The following TBC1D5 variants were observed in gnomAD, a reference collection of about 807,000 sequenced individuals.
TBC1D5 encodes TBC1 domain family member 5.
A neutral mutation model predicts 100.3 loss-of-function variants in TBC1D5; 75 were observed. That is an observed-to-expected ratio of 0.75 (90% CI 0.62 to 0.91). The LOEUF is 0.91. TBC1D5 is among the 40% of genes least tolerant of loss of function. The probability of loss-of-function intolerance (pLI) is 0.00; values close to 1 mark genes in which losing one functional copy is unlikely to be tolerated. For missense variants in TBC1D5, 910 were observed against 942.4 expected, an observed-to-expected ratio of 0.97 and a Z score of 0.45; for synonymous variants, 323 against 325.6, an observed-to-expected ratio of 0.99 and a Z score of 0.09.
intron 15 of TBC1D5, among the ~76,000 whole-genome samples, chr3:17,268,698 T>C (rs552100824): frequency 6.6e-6 from 1 of 152,268 alleles, no homozygotes; most frequent in East Asian, 1.9e-4. Context: ...TTGTTGCCTA[T>C]ACCCATATTT....
intron 16 of TBC1D5, among the ~76,000 whole-genome samples, chr3:17,241,998 G>T (rs1322122264): frequency 6.6e-6 from 1 of 152,080 alleles, no homozygotes; most frequent in Non-Finnish European, 1.5e-5. Context: ...TTCTATTCTG[G>T]GAGGTTGGTT....
chr3:17,595,819 T>C (rs563187420), intron 2 of TBC1D5, among the ~76,000 whole-genome samples: 4 of 152,294 alleles, frequency 2.6e-5, no homozygotes, highest in African/African-American at 9.6e-5. Context: ...TCAATCTTAG[T>C]TACAATCCTG....
chr3:17,429,631 C>G (rs1401615346), intron 3 of TBC1D5, among the ~76,000 whole-genome samples: 3 of 151,844 alleles, frequency 2.0e-5, no homozygotes, highest in African/African-American at 7.2e-5. Context: ...AGAGCTTTCA[C>G]TTTAAAGATG....
intron 2 of TBC1D5, among the ~76,000 whole-genome samples, chr3:17,618,515 C>G (rs2062376484): frequency 6.6e-6 from 1 of 152,230 alleles, no homozygotes; most frequent in Non-Finnish European, 1.5e-5. Context: ...GAGGTGGAGT[C>G]TATAGAGGCA....
chr3:17,468,239 A>G (rs2095331921), intron 3 of TBC1D5, among the ~76,000 whole-genome samples: 1 of 152,174 alleles, frequency 6.6e-6, no homozygotes, highest in African/African-American at 2.4e-5. Flanking sequence ...ATTAACTTAC[A>G]TCCCTCTTTA....
chr3:17,394,912 A>C (rs2093457489), intron 8 of TBC1D5, among the ~76,000 whole-genome samples: 1 of 152,108 alleles, frequency 6.6e-6, no homozygotes, highest in Non-Finnish European at 1.5e-5. Context: ...TTCATAGTTC[A>C]TAAACAGGAG....
intron 13 of TBC1D5, among the ~76,000 whole-genome samples, chr3:17,349,342 T>A (rs2090282472): frequency 6.6e-6 from 1 of 152,158 alleles, no homozygotes; most frequent in Non-Finnish European, 1.5e-5. Context: ...AGCTCTCAGG[T>A]GATGGCTGGT....
intron 1 of TBC1D5, among the ~76,000 whole-genome samples, chr3:17,656,526 A>C (rs2066078430): frequency 6.6e-6 from 1 of 152,192 alleles, no homozygotes; most frequent in Non-Finnish European, 1.5e-5. Context: ...CTATAATCTT[A>C]AAACCAGGCC....
chr3:17,309,115 TA>T (rs759109805), intron 13 of TBC1D5, among the ~76,000 whole-genome samples: 9 of 152,012 alleles, frequency 5.9e-5, no homozygotes, highest in Non-Finnish European at 8.8e-5. Context: ...GAATAACCTT[TA>T]AAAATTAGTT....
chr3:17,440,402 G>A (rs2094626656), intron 3 of TBC1D5, among the ~76,000 whole-genome samples: 1 of 152,182 alleles, frequency 6.6e-6, no homozygotes. Flanking sequence ...GAGGTGGGCA[G>A]ATCACTTGAG....
intron 17 of TBC1D5, among the ~76,000 whole-genome samples, chr3:17,229,162 A>G (rs1400938507): frequency 6.6e-6 from 1 of 152,092 alleles, no homozygotes; most frequent in Non-Finnish European, 1.5e-5. Context: ...TAACCTAGAT[A>G]AGCAGAAAGG....
intron 2 of TBC1D5, among the ~76,000 whole-genome samples, chr3:17,552,731 A>C (rs114575992): frequency 0.023 from 3,453 of 152,204 alleles, 111 homozygotes; most frequent in African/African-American, 0.078. Flanking sequence ...TCTATTTTAG[A>C]CTGGGTATTC....
intron 16 of TBC1D5, among the ~76,000 whole-genome samples, chr3:17,241,465 C>A (rs1030418612): frequency 1.3e-5 from 2 of 152,104 alleles, no homozygotes; most frequent in Admixed American, 6.6e-5. Context: ...TAATGAGTAA[C>A]CAATTTTGTG....
intron 17 of TBC1D5, among the ~76,000 whole-genome samples, chr3:17,231,589 T>C (rs77138404): frequency 0.029 from 4,345 of 152,226 alleles, 199 homozygotes; most frequent in African/African-American, 0.096. Context: ...AAAAGACACT[T>C]GGGAAAATCT....
chr3:17,403,526 T>A (rs2152429613), intron 7 of TBC1D5, among the ~76,000 whole-genome samples: 1 of 152,038 alleles, frequency 6.6e-6, no homozygotes, highest in East Asian at 1.9e-4. Context: ...CAACTGTGGA[T>A]CAAAAATATT....
In TBC1D5 at chr3:17,726,154, G is replaced by A. The variant is rs764387379; in HGVS notation, c.-101+13189C>T. On this transcript the variant is annotated intron_variant, in intron 1 of 21. Coordinates refer to ENST00000253692, the Ensembl canonical transcript of TBC1D5. ...AAGTTGATTCCATGTCTTTGCCGTC[G>A]CGAACAGTGCTGCAATGAACATACG... Among the ~76,000 whole-genome samples, 18 of 152,124 alleles carry A rather than the reference G, an allele frequency of 1.2e-4. 1 individual carries two copies. The highest frequency in any genetic ancestry group is 1.0e-3 in the South Asian group (5 of 4,810).
At chr3:17,662,496 T>A (rs144846131) in intron 1 of TBC1D5, among the ~76,000 whole-genome samples, 1 of 152,248 alleles carries the variant, frequency 6.6e-6, no homozygotes, top group East Asian at 1.9e-4. Context: ...TTTGACAGAG[T>A]AATGAGCCAA....
chr3:17,404,912 A>G (rs763537684), exon 6 of TBC1D5: 28 of 1,600,974 alleles, frequency 1.7e-5, no homozygotes, highest in East Asian at 1.3e-4. Flanking sequence ...TAATTCTTCA[A>G]TTCTACTTAT....
chr3:17,340,044 T>A (rs1159817074), intron 13 of TBC1D5, among the ~76,000 whole-genome samples: 1 of 152,212 alleles, frequency 6.6e-6, no homozygotes, highest in Non-Finnish European at 1.5e-5. Flanking sequence ...TTTGCCAGTT[T>A]TTCTTAGAAG....
Sources: allele counts gnomAD v4.1 joint callset (sites outside exome capture counted in the v4.1 genomes callset), GRCh38; gene constraint gnomAD v4.1.1; transcripts MANE v1.5; gene names NCBI Gene and HGNC (gene_info 2026-07-23, HGNC 2026-07-21).